The following GTPBP1 variants were observed in gnomAD, a reference collection of about 807,000 sequenced individuals.
GTPBP1 encodes the protein GTP-binding protein 1.
Under a neutral mutation model 62.0 loss-of-function variants are expected in GTPBP1, and 23 were observed. The ratio of observed to expected loss-of-function variants is 0.37; its 90% CI spans 0.27 to 0.53. The LOEUF (loss-of-function observed/expected upper bound fraction) is 0.53. Ranked by LOEUF, GTPBP1 falls within the 20% of genes least tolerant of loss-of-function variation. GTPBP1 has a pLI of 0.89. For missense variants in GTPBP1, 640 were observed against 917.3 expected (o/e 0.70, Z 3.90); for synonymous variants, 344 against 364.4 (o/e 0.94, Z 0.64).
At position 38,727,363 on chromosome 22, in the gene GTPBP1, C is replaced by A. The variant is rs2092732300; in HGVS notation, c.1537+15C>A. The A allele has an allele frequency of 6.5e-7, 1 of 1,533,064 alleles. No homozygotes were observed. Among genetic ancestry groups the A allele is most frequent in the Non-Finnish European group, 8.8e-7 (1 of 1,137,518 alleles). The allele number at this position is 1,533,064 out of a possible 1,614,324, so 95.0% of individuals were successfully genotyped here. Reference sequence around the variant, plus strand: ...CCAGGCCATGGGTAGGTGTCTAAGGCCCTGCCAGCCCAGGAGGCCGTCGTG... The same window carrying A: ...CCAGGCCATGGGTAGGTGTCTAAGGACCTGCCAGCCCAGGAGGCCGTCGTG... On this transcript the variant is annotated intron_variant, in intron 9 of 11. Coordinates refer to ENST00000216044, the MANE Select transcript of GTPBP1 (RefSeq NM_004286.5). This position sits in a 1 kb window ranked among gnomAD's most constrained non-coding sequence, Gnocchi z 6.5.
At chr22:38,719,190 A>G (rs1185403846) in intron 4 of GTPBP1, among the ~76,000 whole-genome samples, 1 of 152,100 alleles carries the variant, frequency 6.6e-6, no homozygotes, top group East Asian at 1.9e-4. Context: ...TATTTTTAGT[A>G]GAGACGAGGT....
At chr22:38,738,733 A>G, downstream of GTPBP1, 1 of 1,613,592 alleles carries the variant, frequency 6.2e-7, no homozygotes, top group African/African-American at 1.3e-5. The surrounding 1 kb of genome is among the most constrained non-coding windows in gnomAD (Gnocchi z 6.6). Context: ...AAGGCCCAGC[A>G]GTTGCCTGGG....
At position 38,726,360 on chromosome 22, in the gene GTPBP1, G is replaced by T; in HGVS notation, c.1321G>T (p.Ala441Ser). ...PDPLGNFLSI[A>S]VKSIHRKRMP... ...CCCCTTGGGTAACTTCCTGTCCATT[G>T]CTGTCAAATCCATCCATCGCAAGCG... Residue 441 changes from alanine to serine, a missense_variant, in exon 8 of 12, where the codon GCT (alanine) becomes TCT (serine). Around this residue, in one of 4 missense-constraint regions of GTPBP1, gnomAD observed 220 missense variants for 358.1 expected, o/e 0.61. Transcript: ENST00000216044. This position sits in a 1 kb window ranked among gnomAD's most constrained non-coding sequence, Gnocchi z 4.1. 1 of 1,614,098 alleles carries T rather than the reference G, an allele frequency of 6.2e-7. No homozygotes were observed. Among genetic ancestry groups the T allele is most frequent in the Non-Finnish European group, 8.5e-7 (1 of 1,179,988 alleles).
At chr22:38,721,593 G>A (rs1327186121) in intron 4 of GTPBP1, 149 bp from the exon 5 acceptor site, 3 of 602,788 alleles carry the variant, frequency 5.0e-6, no homozygotes, top group African/African-American at 1.8e-5. Context: ...AGTCTCCTCC[G>A]ATTTTGACGC....
At chr22:38,725,251 C>T (rs189392619) in intron 6 of GTPBP1, 1 of 152,336 alleles carries the variant, frequency 6.6e-6, no homozygotes. Context: ...ATGTGTAATT[C>T]GTGATCTCAA....
intron 2 of GTPBP1, among the ~76,000 whole-genome samples, chr22:38,711,844 G>A (rs1330320374): frequency 2.0e-5 from 3 of 151,770 alleles, no homozygotes; most frequent in Admixed American, 6.6e-5. Context: ...AAAAAAAAAA[G>A]TTCAGGGGAC....
chr22:38,718,101 G>A (rs988110716), intron 4 of GTPBP1, among the ~76,000 whole-genome samples: 3 of 152,050 alleles, frequency 2.0e-5, no homozygotes, highest in Non-Finnish European at 4.4e-5. Flanking sequence ...CTCTGCCTGA[G>A]GCTTTTGGGA....
intron 4 of GTPBP1, among the ~76,000 whole-genome samples, chr22:38,719,505 A>T (rs981337151): frequency 6.6e-6 from 1 of 151,790 alleles, no homozygotes; most frequent in South Asian, 2.1e-4. Flanking sequence ...AGATCTTGCT[A>T]TGTTGCCAAG....
At chr22:38,738,701 G>A, downstream of GTPBP1, 6 of 1,613,700 alleles carry the variant, frequency 3.7e-6, no homozygotes, top group Non-Finnish European at 5.1e-6. This position sits in a 1 kb window ranked among gnomAD's most constrained non-coding sequence, Gnocchi z 6.6. Context: ...GGCGGACCAC[G>A]GCGAAGCCTT....
intron 5 of GTPBP1, chr22:38,722,599 C>T: frequency 8.9e-7 from 1 of 1,117,912 alleles, no homozygotes. Flanking sequence ...TTTAAAAGGC[C>T]TTAGCCATTT....
chr22:38,740,407 T>G (rs1423190877), downstream of GTPBP1: 1 of 1,557,040 alleles, frequency 6.4e-7, no homozygotes, highest in Admixed American at 1.9e-5. This position sits in a 1 kb window ranked among gnomAD's most constrained non-coding sequence, Gnocchi z 4.8. Flanking sequence ...TTCACAGAGC[T>G]CTCCTGGAAG....
chr22:38,742,381 C>T, downstream of GTPBP1: 1 of 1,613,360 alleles, frequency 6.2e-7, no homozygotes, highest in Non-Finnish European at 8.5e-7. Flanking sequence ...TCCAGCAGCG[C>T]CAGGGTGTCC....
intron 4 of GTPBP1, 142 bp downstream of exon 4, chr22:38,717,142 G>T (rs1228162725): frequency 6.6e-6 from 4 of 610,330 alleles, no homozygotes; most frequent in African/African-American, 5.5e-5. Flanking sequence ...TTTTGCAGGG[G>T]TGCCCAGTCC....
intron 4 of GTPBP1, among the ~76,000 whole-genome samples, chr22:38,721,296 G>A (rs1165371471): frequency 6.6e-6 from 1 of 152,144 alleles, no homozygotes; most frequent in African/African-American, 2.4e-5. Context: ...CAGGCTGGTC[G>A]CGAACTCCCG....
chr22:38,726,560 T>G lies in GTPBP1; in HGVS notation c.1401+120T>G, dbSNP rs1166946181. 1.6e-5 allele frequency: 13 copies of G among 828,650 alleles called. No individual in the cohort carries two copies. Among genetic ancestry groups the G allele is most frequent in the Admixed American group, 4.7e-5 (2 of 42,426 alleles). 51.3% of individuals were successfully genotyped at this position (828,650 alleles called of 1,614,324 possible). On this transcript the variant is annotated intron_variant, in intron 8 of 11. Coordinates refer to ENST00000216044, the MANE Select transcript of GTPBP1 (RefSeq NM_004286.5). The surrounding 1 kb of genome is among the most constrained non-coding windows in gnomAD (Gnocchi z 4.1). Reference sequence around the variant, plus strand: ...CTCTGCAAGGTCGGGATTACTGGCTTCATTTTTACAGATGAGGAAACTGAG... The same window carrying G: ...CTCTGCAAGGTCGGGATTACTGGCTGCATTTTTACAGATGAGGAAACTGAG...
In GTPBP1 at chr22:38,727,978, G is replaced by A; in HGVS notation, c.1538-5G>A. On this transcript the variant is annotated splice_region_variant and splice_polypyrimidine_tract_variant and intron_variant, in intron 9 of 11. Transcript: ENST00000216044. This position sits in a 1 kb window ranked among gnomAD's most constrained non-coding sequence, Gnocchi z 6.5. ...GCCTATCCTGACCTCTGGCTTCCTT[G>A]ACAGTGCACTGTGGGAGCATCAGGC... is the stretch of plus-strand genomic sequence containing the variant. 6.2e-7 allele frequency: 1 copy of A among 1,613,218 alleles called. No individual in the cohort carries two copies. The highest frequency in any genetic ancestry group is 1.1e-5 in the South Asian group (1 of 91,032).
chr22:38,708,913 C>G lies in GTPBP1; in HGVS notation c.261C>G (p.Asp87Glu). The change falls in exon 2 of 12, where the codon GAC becomes GAG. Residue 87 changes from aspartate (D) to glutamate (E), a missense_variant. This residue lies in a region of GTPBP1 where 215 missense variants were observed against 235.1 expected (regional missense o/e 0.91). Transcript: ENST00000216044. ...TTCGGCAGATGTGGGAGAGGATGGACGAGGGATGCGGAGAGACCATATATG... is the reference window on the plus strand; with the variant it reads ...TTCGGCAGATGTGGGAGAGGATGGAGGAGGGATGCGGAGAGACCATATATG... ...SLLRQMWERM[D>E]EGCGETIYVI... The G allele has an allele frequency of 6.2e-7, 1 of 1,608,708 alleles. No homozygotes were observed. Among genetic ancestry groups the G allele is most frequent in the Non-Finnish European group, 8.5e-7 (1 of 1,175,054 alleles).
At position 38,727,132 on chromosome 22, in the gene GTPBP1, A is replaced by G; in HGVS notation, c.1402-81A>G. ...AGTTGGGGTGGTCCCTATCCCTAGA[A>G]AGACTCTTGGTCCCTGGGACCAGGG... On this transcript the variant is annotated intron_variant, in intron 8 of 11. Transcript: ENST00000216044. The surrounding 1 kb of genome is among the most constrained non-coding windows in gnomAD (Gnocchi z 6.5). 1 of 1,371,136 alleles carries G rather than the reference A, an allele frequency of 7.3e-7. No individual in the cohort carries two copies. The highest frequency in any genetic ancestry group is 1.5e-5 in the South Asian group (1 of 65,782). The allele number at this position is 1,371,136 out of a possible 1,614,324, so 84.9% of individuals were successfully genotyped here. A position where few individuals can be genotyped will look rare whatever the true frequency, so the allele number is the denominator to read the frequency against.
intron 2 of GTPBP1, 124 bp from the exon 3 acceptor site, chr22:38,715,783 G>C (rs1323609027): frequency 6.9e-6 from 5 of 725,742 alleles, no homozygotes; most frequent in Non-Finnish European, 1.2e-5. Context: ...GAGGACCCCT[G>C]TTCCTCTGCA....
Sources: allele counts gnomAD v4.1 joint callset (sites outside exome capture counted in the v4.1 genomes callset), GRCh38; gene constraint gnomAD v4.1.1; regional missense constraint gnomAD v4.1.1; non-coding constraint Gnocchi (gnomAD v3.1); transcripts MANE v1.5; gene names NCBI Gene and HGNC (gene_info 2026-07-23, HGNC 2026-07-21).